KIAA1958: variants seen among roughly 807,000 people sequenced by gnomAD.
KIAA1958 encodes uncharacterized protein KIAA1958.
KIAA1958 carries 14 observed loss-of-function variants against 47.2 expected under a neutral mutation model. The observed-to-expected ratio is 0.30, with a 90% confidence interval of 0.20 to 0.46. KIAA1958 has a LOEUF of 0.46. KIAA1958 is among the 20% of genes least tolerant of loss of function. The probability of loss-of-function intolerance (pLI) is 1.00; values close to 1 mark genes in which losing one functional copy is unlikely to be tolerated. For synonymous variants in KIAA1958, 354 were observed against 353.3 expected, an observed-to-expected ratio of 1.00 and a Z score of -0.02; for missense variants, 803 against 909.2, an observed-to-expected ratio of 0.88 and a Z score of 1.50.
At chr9:112,624,318 A>G (rs944441333) in intron 2 of KIAA1958, among the ~76,000 whole-genome samples, 5 of 152,254 alleles carry the variant, frequency 3.3e-5, no homozygotes, top group Non-Finnish European at 7.3e-5. Flanking sequence ...TGGCAAGGGC[A>G]TCCTCAATCG....
chr9:112,563,085 C>CTATATATG, intron 1 of KIAA1958, among the ~76,000 whole-genome samples: 1 of 131,560 alleles, frequency 7.6e-6, no homozygotes, highest in Admixed American at 7.8e-5. Context: ...CTCTCTCTCT[C>CTATATATG]TATATATATA....
At chr9:112,561,470 T>C (rs1461526308) in intron 1 of KIAA1958, among the ~76,000 whole-genome samples, 3 of 152,244 alleles carry the variant, frequency 2.0e-5, no homozygotes, top group South Asian at 2.1e-4. Context: ...ATGACTGTTA[T>C]TAATGGCAGT....
intron 1 of KIAA1958, among the ~76,000 whole-genome samples, chr9:112,508,759 G>A (rs62567842): frequency 0.13 from 19,008 of 152,056 alleles, 1,695 homozygotes; most frequent in East Asian, 0.22. Flanking sequence ...TTTGAAATCG[G>A]TTTTCTGTTG....
intron 2 of KIAA1958, among the ~76,000 whole-genome samples, chr9:112,598,893 A>G (rs1312176350): frequency 6.6e-6 from 1 of 152,022 alleles, no homozygotes; most frequent in Non-Finnish European, 1.5e-5. Context: ...CCCAGCCTGG[A>G]TAACATAACA....
At chr9:112,582,909 G>A (rs1835759423) in intron 2 of KIAA1958, among the ~76,000 whole-genome samples, 1 of 152,156 alleles carries the variant, frequency 6.6e-6, no homozygotes, top group African/African-American at 2.4e-5. Context: ...ACAGGGGCTT[G>A]TTACATGTTT....
At chr9:112,542,346 CTG>C (rs1439861877) in intron 1 of KIAA1958, among the ~76,000 whole-genome samples, 1 of 151,686 alleles carries the variant, frequency 6.6e-6, no homozygotes, top group Non-Finnish European at 1.5e-5. Flanking sequence ...TAATTTTAAA[CTG>C]TATTAAAAAG....
At chr9:112,545,745 C>A (rs1488531310) in intron 1 of KIAA1958, among the ~76,000 whole-genome samples, 2 of 139,090 alleles carry the variant, frequency 1.4e-5, no homozygotes, top group South Asian at 2.3e-4. Context: ...TTTTTATTTT[C>A]TTTTTGGGTC....
chr9:112,543,567 CTTTTT>C (rs138422704), intron 1 of KIAA1958, among the ~76,000 whole-genome samples: 92,670 of 108,272 alleles, frequency 0.86, 39,019 homozygotes, highest in Middle Eastern at 0.91. Context: ...TTCTGAGCTT[CTTTTT>C]TTTTTTTTTT....
chr9:112,600,696 C>T (rs1192872300), intron 2 of KIAA1958, among the ~76,000 whole-genome samples: 1 of 152,102 alleles, frequency 6.6e-6, no homozygotes, highest in Non-Finnish European at 1.5e-5. Context: ...CTTCAGTAGC[C>T]TTTGTAGAAT....
In KIAA1958 at chr9:112,486,956, G is replaced by A; in HGVS notation, c.-187G>A. 1 of 168,998 alleles carries A rather than the reference G, an allele frequency of 5.9e-6. No individual in the cohort carries two copies. Among genetic ancestry groups the A allele is most frequent in the Non-Finnish European group, 1.2e-5 (1 of 80,620 alleles). The allele number at this position is 168,998 out of a possible 1,614,324, so 10.5% of individuals were successfully genotyped here. On this transcript the variant is annotated 5_prime_UTR_variant, in exon 1 of 4. Transcript: ENST00000337530. ...CCGCTCCTCGGTCCGCCGCCCGCCG[G>A]GCGCCTTCCCCGCTCCACTTACCTT...
chr9:112,568,935 CT>C (rs1406829557), intron 1 of KIAA1958, among the ~76,000 whole-genome samples: 9 of 2,862 alleles, frequency 3.1e-3, no homozygotes, highest in African/African-American at 0.011. Context: ...AATAGGAAAA[CT>C]AAAAAAAAAA....
intron 3 of KIAA1958, among the ~76,000 whole-genome samples, chr9:112,651,769 T>A (rs548319388): frequency 1.8e-4 from 27 of 152,240 alleles, no homozygotes; most frequent in South Asian, 4.1e-4. Flanking sequence ...ATATTACTAA[T>A]AACCAAAGGA....
chr9:112,629,656 A>G (rs569388063), intron 2 of KIAA1958, among the ~76,000 whole-genome samples: 26 of 152,166 alleles, frequency 1.7e-4, no homozygotes, highest in Middle Eastern at 3.4e-3. Context: ...TTTGCTTCAT[A>G]TTTGTCTGTG....
At chr9:112,523,129 T>C (rs780756284) in intron 1 of KIAA1958, among the ~76,000 whole-genome samples, 15 of 152,332 alleles carry the variant, frequency 9.8e-5, no homozygotes, top group African/African-American at 2.2e-4. Flanking sequence ...TTTGCACTTA[T>C]GATTCCTTAT....
At position 112,574,968 on chromosome 9, in the gene KIAA1958, C is replaced by G; in HGVS notation, c.888C>G (p.Pro296=). 2 of 1,614,154 alleles carry G rather than the reference C, an allele frequency of 1.2e-6. No individual in the cohort carries two copies. The highest frequency in any genetic ancestry group is 1.7e-6 in the Non-Finnish European group (2 of 1,180,038). ...CTCTGGCTTCACCAAACAGAGGACC[C>G]CCTGGTACACATGGCACCAACCAAC... The part of the protein sequence containing the change: ...RVSLASPNRG[P]PGTHGTNQQV... The change falls in exon 2 of 4, where the codon CCC becomes CCG. Residue 296 remains proline, a synonymous_variant. Coordinates refer to ENST00000337530, the MANE Select transcript of KIAA1958 (RefSeq NM_133465.4).
chr9:112,513,230 C>A (rs1397959857), intron 1 of KIAA1958, among the ~76,000 whole-genome samples: 1 of 126,308 alleles, frequency 7.9e-6, no homozygotes, highest in African/African-American at 3.1e-5. Context: ...GTCTGGAACT[C>A]CTGACCTCAG....
intron 2 of KIAA1958, among the ~76,000 whole-genome samples, chr9:112,591,517 A>G (rs1436532377): frequency 6.6e-6 from 1 of 152,152 alleles, no homozygotes; most frequent in Non-Finnish European, 1.5e-5. Flanking sequence ...TTATAGAAGT[A>G]TTTATTTTTA....
chr9:112,589,533 G>A (rs550710910), intron 2 of KIAA1958, among the ~76,000 whole-genome samples: 7 of 152,266 alleles, frequency 4.6e-5, no homozygotes, highest in South Asian at 4.1e-4. Context: ...TGGAGGTTGC[G>A]GTGAGCCGAG....
intron 1 of KIAA1958, among the ~76,000 whole-genome samples, chr9:112,545,203 A>G (rs1459127841): frequency 1.3e-5 from 2 of 152,204 alleles, no homozygotes; most frequent in African/African-American, 4.8e-5. Context: ...CTTGTTTTGC[A>G]GAAAATAAAA....
Sources: gnomAD v4.1 joint callset for allele counts (sites outside exome capture counted in the v4.1 genomes callset) on GRCh38, gnomAD v4.1.1 for gene constraint, MANE v1.5 for transcripts, NCBI Gene and HGNC (gene_info 2026-07-23, HGNC 2026-07-21) for gene names.